PSMD2: variants seen among roughly 807,000 people sequenced by gnomAD.
PSMD2 encodes the protein 26S proteasome non-ATPase regulatory subunit 2.
PSMD2 carries 8 observed loss-of-function variants against 101.5 expected under a neutral mutation model. That is an observed-to-expected ratio of 0.08 (90% CI 0.05 to 0.14). The LOEUF (loss-of-function observed/expected upper bound fraction) is 0.14, where lower values mean the gene tolerates loss of function less well. Among genes scored for constraint, PSMD2 ranks in the 10% least tolerant of loss-of-function variants. The pLI is 1.00. For synonymous variants in PSMD2, 418 were observed against 433.8 expected (o/e 0.96, Z 0.45); for missense variants, 784 against 1,147.4 (o/e 0.68, Z 4.58).
chr3:184,303,476 T>G lies in PSMD2; in HGVS notation c.1216+10T>G. On this transcript the variant is annotated intron_variant, in intron 9 of 20. Transcript: ENST00000310118. ...AAGAACAAGGACCACGGTATAATTC[T>G]GTTCCTGCTTTGTCTTTTGTTTTGC... 1 of 1,612,684 alleles carries G rather than the reference T, an allele frequency of 6.2e-7. No individual in the cohort carries two copies. The highest frequency in any genetic ancestry group is 8.5e-7 in the Non-Finnish European group (1 of 1,179,350).
rs369135415 is a variant in PSMD2 at position 184,303,055 on chromosome 3, G to A, written c.1062G>A (p.Glu354=). ...ATGACATCTACAAAACCCACCTAGA[G>A]AACAACAGTGAGTAGCCCTCTCTGT... is the stretch of plus-strand genomic sequence containing the variant. The part of the protein sequence containing the change: ...VPDDIYKTHL[E]NNRFGGSGSQ... The change falls in exon 8 of 21, where the codon GAG becomes GAA. Residue 354 remains glutamate, a synonymous_variant. Transcript: ENST00000310118. The A allele has an allele frequency of 7.4e-5, 120 of 1,613,822 alleles. No individual in the cohort carries two copies. The highest frequency in any genetic ancestry group is 1.6e-4 in the Middle Eastern group (1 of 6,062).
At position 184,306,737 on chromosome 3, in the gene PSMD2, C is replaced by T. The variant is rs374775052; in HGVS notation, c.1951-14C>T. ...CCTTGAGCTTAATGGGTTCTGCTCT[C>T]TCTTCAATTGCAGGGAGTGGCTGTT... On this transcript the variant is annotated splice_polypyrimidine_tract_variant and intron_variant, in intron 15 of 20. Coordinates refer to ENST00000310118, the MANE Select transcript of PSMD2 (RefSeq NM_002808.5). 6.2e-7 allele frequency: 1 copy of T among 1,611,020 alleles called. No homozygotes were observed. Among genetic ancestry groups the T allele is most frequent in the African/African-American group, 1.3e-5 (1 of 74,750 alleles).
intron 1 of PSMD2, 131 bp from the exon 2 acceptor site, chr3:184,299,720 C>G: frequency 2.6e-6 from 2 of 764,422 alleles, no homozygotes; most frequent in Non-Finnish European, 4.5e-6. Context: ...GCTTCCCATT[C>G]CCACTCGGTT....
chr3:184,307,197 C>T (rs1050439884), intron 16 of PSMD2, among the ~76,000 whole-genome samples, 160 bp from the exon 17 acceptor site: 4 of 152,160 alleles, frequency 2.6e-5, no homozygotes, highest in Non-Finnish European at 5.9e-5. Flanking sequence ...CCTGCCTCGG[C>T]CTCCCAAAGT....
At chr3:184,299,969 T>C (rs1721589943) in intron 2 of PSMD2, 62 bp downstream of exon 2, 1 of 1,477,054 alleles carries the variant, frequency 6.8e-7, no homozygotes, top group South Asian at 1.1e-5. Context: ...GTTTTATTCT[T>C]TTTTGAGGCA....
In PSMD2 at chr3:184,308,424, T is replaced by A; in HGVS notation, c.2426-25T>A. 6.4e-7 allele frequency: 1 copy of A among 1,570,718 alleles called. No homozygotes were observed. The highest frequency in any genetic ancestry group is 8.7e-7 in the Non-Finnish European group (1 of 1,149,070). ...CAGGCCTGTCTTTTTGTCTCTTAAC[T>A]TTTTGTCCTGTCTGCTTCCCTCAGT... On this transcript the variant is annotated intron_variant, in intron 19 of 20. Coordinates refer to ENST00000310118, the MANE Select transcript of PSMD2 (RefSeq NM_002808.5). This position sits in a 1 kb window ranked among gnomAD's most constrained non-coding sequence, Gnocchi z 6.0.
rs771882603 is a variant in PSMD2 at position 184,305,841 on chromosome 3, T to C, written c.1613T>C (p.Ile538Thr). The change falls in exon 13 of 21, where the codon ATC becomes ACC. Residue 538 changes from isoleucine to threonine, a missense_variant. Coordinates refer to ENST00000310118, the MANE Select transcript of PSMD2 (RefSeq NM_002808.5). ...TGCAATGGAGATGTAACTTCCACTA[T>C]CCTTCAGACCATCATGGAGAAGTCA... ...GSCNGDVTST[I>T]LQTIMEKSET... The C allele has an allele frequency of 6.2e-6, 10 of 1,614,110 alleles. No individual in the cohort carries two copies. Among genetic ancestry groups the C allele is most frequent in the Non-Finnish European group, 8.5e-6 (10 of 1,180,050 alleles).
intron 2 of PSMD2, 81 bp from the exon 3 acceptor site, chr3:184,300,199 G>C: frequency 1.5e-6 from 2 of 1,359,044 alleles, no homozygotes; most frequent in South Asian, 2.7e-5. Context: ...CCTTGGAGGA[G>C]TTGTTAAGTT....
rs1225128961 is a variant in PSMD2 at position 184,302,367 on chromosome 3, T to C, written c.705-3T>C. 7 of 1,609,666 alleles carry C rather than the reference T, an allele frequency of 4.3e-6. No individual in the cohort carries two copies. The highest frequency in any genetic ancestry group is 5.9e-6 in the Non-Finnish European group (7 of 1,178,532). ...GAATTCTTTGTTACTTTTACTTTTG[T>C]AGTTGTGTGAATTACGTGCCTGAGC... On this transcript the variant is annotated splice_region_variant and splice_polypyrimidine_tract_variant and intron_variant, in intron 5 of 20. Coordinates refer to ENST00000310118, the MANE Select transcript of PSMD2 (RefSeq NM_002808.5).
chr3:184,301,110 C>A (rs1721628331), intron 3 of PSMD2, among the ~76,000 whole-genome samples: 2 of 151,688 alleles, frequency 1.3e-5, no homozygotes, highest in Admixed American at 1.3e-4. Context: ...GGGTGGATCA[C>A]CTGAGGTCAG....
At chr3:184,300,657 G>T in intron 3 of PSMD2, 8 of 1,326,908 alleles carry the variant, frequency 6.0e-6, no homozygotes, top group Admixed American at 3.6e-5. Flanking sequence ...TTGGACTTTG[G>T]GGTTTCATTA....
In PSMD2 at chr3:184,303,423, A is replaced by G. The variant is rs775582470; in HGVS notation, c.1173A>G (p.Leu391=). Reference sequence around the variant, plus strand: ...CAGCTTTTGGCCAAGACAAGCTGCTAACAGATGATGGCAACAAATGGCTTT... The same window carrying G: ...CAGCTTTTGGCCAAGACAAGCTGCTGACAGATGATGGCAACAAATGGCTTT... ...VNAAFGQDKL[L]TDDGNKWLYK... The change falls in exon 9 of 21, where the codon CTA becomes CTG. Residue 391 remains leucine, a synonymous_variant. Transcript: ENST00000310118. The G allele has an allele frequency of 5.6e-6, 9 of 1,614,084 alleles. No homozygotes were observed. In the Admixed American group the frequency reaches 6.7e-5, roughly 12 times the overall value.
intron 14 of PSMD2, 36 bp from the exon 15 acceptor site, chr3:184,306,314 C>G (rs201421360): frequency 6.2e-6 from 10 of 1,605,748 alleles, no homozygotes; most frequent in Non-Finnish European, 8.5e-6. Flanking sequence ...GGTAACTTCT[C>G]ATTTCTGTCC....
chr3:184,306,047 C>G lies in PSMD2; in HGVS notation c.1703-7C>G. 8.1e-6 allele frequency: 13 copies of G among 1,614,134 alleles called. No homozygotes were observed. Among genetic ancestry groups the G allele is most frequent in the Non-Finnish European group, 9.3e-6 (11 of 1,180,002 alleles). On this transcript the variant is annotated splice_polypyrimidine_tract_variant and splice_region_variant and intron_variant, in intron 13 of 20. Transcript: ENST00000310118. ...GTATCCTCTGACCCCTTGAATCTGT[C>G]CTGTAGGGAAGGGTGAGGCCATCGA...
At chr3:184,301,399 C>A in intron 3 of PSMD2, 138 bp from the exon 4 acceptor site, 2 of 1,123,162 alleles carry the variant, frequency 1.8e-6, no homozygotes, top group Non-Finnish European at 2.5e-6. Flanking sequence ...GTTTAGCTTA[C>A]ATAACATGTT....
intron 16 of PSMD2, 51 bp downstream of exon 16, chr3:184,306,885 G>A (rs1174476874): frequency 1.4e-6 from 2 of 1,461,464 alleles, no homozygotes; most frequent in Admixed American, 1.9e-5. Context: ...ATGGCCTGGG[G>A]TTCCCCAGGG....
Position 184,307,429 on chromosome 3 carries a change from C to T in PSMD2, c.2107C>T (p.Arg703Ter). The stretch of plus-strand genomic sequence containing the variant: ...GGCCCTCATCTCTGTTTCAAATCCA[C>T]GACTCAACATCCTGGATACCCTAAG... Reference protein sequence around the residue: ...ALALISVSNPRLNILDTLSKF... With the variant: ...ALALISVSNP Residue 703 changes from arginine to a stop codon, truncating the protein, a stop_gained, in exon 17 of 21, where the codon CGA becomes TGA. Coordinates refer to ENST00000310118, the MANE Select transcript of PSMD2 (RefSeq NM_002808.5). LOFTEE classifies it high-confidence loss of function. 6.2e-7 allele frequency: 1 copy of T among 1,614,080 alleles called. No individual in the cohort carries two copies. Among genetic ancestry groups the T allele is most frequent in the Non-Finnish European group, 8.5e-7 (1 of 1,179,924 alleles).
rs748136563 is a variant in PSMD2 at position 184,299,835 on chromosome 3, T to A, written c.136-16T>A. 1.1e-5 allele frequency: 17 copies of A among 1,609,676 alleles called. No individual in the cohort carries two copies. The highest frequency in any genetic ancestry group is 1.3e-5 in the Non-Finnish European group (15 of 1,176,296). On this transcript the variant is annotated splice_polypyrimidine_tract_variant and intron_variant, in intron 1 of 20. Coordinates refer to ENST00000310118, the MANE Select transcript of PSMD2 (RefSeq NM_002808.5). Reference sequence around the variant, plus strand: ...GGATTCCTTCTCTTCATGAGCTGCTTCTCCCAACCCTCCAGTCTGAAGAGG... The same window carrying A: ...GGATTCCTTCTCTTCATGAGCTGCTACTCCCAACCCTCCAGTCTGAAGAGG...
chr3:184,308,938 T>C lies in PSMD2; in HGVS notation c.*48T>C. On this transcript the variant is annotated 3_prime_UTR_variant, in exon 21 of 21. Transcript: ENST00000310118. This position sits in a 1 kb window ranked among gnomAD's most constrained non-coding sequence, Gnocchi z 6.0. The stretch of plus-strand genomic sequence containing the variant: ...TGCAGCTGATGTTATCAGCAGGCCA[T>C]GCATCCTGCTGCCAAGGGTGGACAC... 3 of 1,549,220 alleles carry C rather than the reference T, an allele frequency of 1.9e-6. No individual in the cohort carries two copies. Among genetic ancestry groups the C allele is most frequent in the Non-Finnish European group, 2.6e-6 (3 of 1,134,946 alleles).
Sources: allele counts gnomAD v4.1 joint callset (sites outside exome capture counted in the v4.1 genomes callset), GRCh38; gene constraint gnomAD v4.1.1; non-coding constraint Gnocchi (gnomAD v3.1); transcripts MANE v1.5; gene names NCBI Gene and HGNC (gene_info 2026-07-23, HGNC 2026-07-21).